The following TTPA variants were observed in gnomAD, a reference collection of about 807,000 sequenced individuals.
TTPA encodes the protein alpha tocopherol transfer protein, also known as alpha-tocopherol transfer protein.
A neutral mutation model predicts 25.9 loss-of-function variants in TTPA; 23 were observed. The ratio of observed to expected loss-of-function variants is 0.89; its 90% confidence interval spans 0.64 to 1.26. The LOEUF is 1.26. Ranked by LOEUF, TTPA falls within the 50% of genes most tolerant of loss-of-function variation. The probability of loss-of-function intolerance (pLI) is 0.00; values close to 1 mark genes in which losing one functional copy is unlikely to be tolerated. For synonymous variants in TTPA, 148 were observed against 137.3 expected (o/e 1.08, Z -0.54); for missense variants, 337 against 353.1 (o/e 0.95, Z 0.37).
chr8:63,081,708 T>C (rs1805666169), intron 1 of TTPA, among the ~76,000 whole-genome samples: 1 of 152,196 alleles, frequency 6.6e-6, no homozygotes, highest in Admixed American at 6.5e-5. Flanking sequence ...ATTGTCCCTG[T>C]TTGCAGAAGA....
At position 63,060,643 on chromosome 8, in the gene TTPA, T is replaced by C. The variant is rs187670490; in HGVS notation, c.*609A>G. The C allele has an allele frequency of 1.4e-4, 21 of 152,560 alleles. No homozygotes were observed. The highest frequency in any genetic ancestry group is 5.2e-4 in the African/African-American group (21 of 40,742). 9.5% of individuals were successfully genotyped at this position (152,560 alleles called of 1,614,324 possible). A position where few individuals can be genotyped will look rare whatever the true frequency, so the allele number is the denominator to read the frequency against. ...GAGCTGAGATCTCACTACTGCACTC[T>C]AGCCTGGGCGACAGAGCAAGACTCT... On this transcript the variant is annotated 3_prime_UTR_variant, in exon 5 of 5. Transcript: ENST00000260116.
At chr8:63,067,673 G>A (rs1805415773) in intron 2 of TTPA, among the ~76,000 whole-genome samples, 1 of 151,954 alleles carries the variant, frequency 6.6e-6, no homozygotes. Flanking sequence ...TTGGTATACT[G>A]CATGATGCTG....
At chr8:63,059,029 T>G (rs1246720003), downstream of TTPA, among the ~76,000 whole-genome samples, 3 of 104,916 alleles carry the variant, frequency 2.9e-5, no homozygotes, top group African/African-American at 7.0e-5. Flanking sequence ...AGTTTTTTTT[T>G]TTTTTTTTTT....
In TTPA at chr8:63,067,415, G is replaced by A. The variant is rs553960130; in HGVS notation, c.359-1318C>T. Reference sequence around the variant, plus strand: ...CAGTAACAGAAAACAGAGGAGAGAGGAATCATAGCAATAGAGAAAAGTTCT... The same window carrying A: ...CAGTAACAGAAAACAGAGGAGAGAGAAATCATAGCAATAGAGAAAAGTTCT... On this transcript the variant is annotated intron_variant, in intron 2 of 4. Coordinates refer to ENST00000260116, the MANE Select transcript of TTPA (RefSeq NM_000370.3). 6.3e-5 allele frequency among the ~76,000 whole-genome samples: 9 copies of A among 142,076 alleles called. No homozygotes were observed. The South Asian group carries it at 2.0e-3, about 32-fold the overall frequency. 93.2% of individuals were successfully genotyped at this position (142,076 alleles called of 152,430 possible). A position where few individuals can be genotyped will look rare whatever the true frequency, so the allele number is the denominator to read the frequency against.
downstream of TTPA, among the ~76,000 whole-genome samples, chr8:63,059,415 AACC>A (rs1805264474): frequency 6.6e-6 from 1 of 152,200 alleles, no homozygotes; most frequent in Non-Finnish European, 1.5e-5. Context: ...TCTAAAGAAC[AACC>A]ACAATTACTT....
At chr8:63,073,903 A>G (rs936131621) in intron 1 of TTPA, among the ~76,000 whole-genome samples, 7 of 152,234 alleles carry the variant, frequency 4.6e-5, no homozygotes, top group Non-Finnish European at 7.3e-5. Context: ...TTTCTTTCCA[A>G]AAGAACCACC....
rs1805746240 is a variant in TTPA, at chr8:63,085,939, A to G, written c.83T>C (p.Leu28Pro). ...CCGGGCCCGGCGCCGCAGCGCCGCCAGGCCCGGCTGCAGCAACGGAGAGTG... is the reference window on the plus strand; with the variant it reads ...CCGGGCCCGGCGCCGCAGCGCCGCCGGGCCCGGCTGCAGCAACGGAGAGTG... ...PDHSPLLQPG[L>P]AALRRRAREA... is the part of the protein sequence containing the mutation. The change falls in exon 1 of 5, where the codon CTG becomes CCG. Residue 28 changes from leucine to proline, a missense_variant. By Grantham distance (98) the Leu-to-Pro change is moderately conservative. Coordinates refer to ENST00000260116, the MANE Select transcript of TTPA (RefSeq NM_000370.3). The G allele has an allele frequency of 2.0e-6, 3 of 1,520,102 alleles. No homozygotes were observed. The highest frequency in any genetic ancestry group is 1.4e-5 in the African/African-American group (1 of 70,208). The allele number at this position is 1,520,102 out of a possible 1,614,324, so 94.2% of individuals were successfully genotyped here. A position where few individuals can be genotyped will look rare whatever the true frequency, so the allele number is the denominator to read the frequency against.
intron 1 of TTPA, among the ~76,000 whole-genome samples, chr8:63,082,877 C>A (rs1318394584): frequency 2.0e-5 from 3 of 152,122 alleles, no homozygotes; most frequent in African/African-American, 7.2e-5. Flanking sequence ...CCAACGGATA[C>A]ATGTAAAAAT....
In TTPA at chr8:63,065,975, C is replaced by G. The variant is rs759856643; in HGVS notation, c.481G>C (p.Glu161Gln). 6.2e-7 allele frequency: 1 copy of G among 1,614,114 alleles called. No individual in the cohort carries two copies. Among genetic ancestry groups the G allele is most frequent in the Non-Finnish European group, 8.5e-7 (1 of 1,179,990 alleles). Reference sequence around the variant, plus strand: ...AAAGCATGAGAAAACTGCCAACCTTCCAGATCAAAGATAGCCTTGATTCCA... The same window carrying G: ...AAAGCATGAGAAAACTGCCAACCTTGCAGATCAAAGATAGCCTTGATTCCA... ...RNGIKAIFDL[E>Q]GWQFSHAFQI... The change falls in exon 3 of 5, where the codon GAA (glutamate) becomes CAA (glutamine). Residue 161 changes from glutamate to glutamine, a missense_variant. By Grantham distance (29) the Glu-to-Gln change is conservative (BLOSUM62 2). Coordinates refer to ENST00000260116, the MANE Select transcript of TTPA (RefSeq NM_000370.3).
chr8:63,069,284 T>C (rs552846281), intron 2 of TTPA, among the ~76,000 whole-genome samples: 4 of 144,066 alleles, frequency 2.8e-5, no homozygotes, highest in African/African-American at 7.8e-5. Flanking sequence ...CTGAATGCTA[T>C]AATGATTAAA....
chr8:63,064,301 T>C lies in TTPA; in HGVS notation c.568A>G (p.Lys190Glu), dbSNP rs1373547288. Residue 190 changes from lysine to glutamate, a missense_variant, in exon 4 of 5, where the codon AAA becomes GAA. Transcript: ENST00000260116. ...TTTATCAAATGGATGCCACGAACTT[T>C]CAATGGAAATGAATCCTTTTGAAAA... Reference protein sequence around the residue: ...AAVLTDSFPLKVRGIHLINEP... With the variant: ...AAVLTDSFPLEVRGIHLINEP... The C allele has an allele frequency of 6.2e-7, 1 of 1,611,406 alleles. No homozygotes were observed.
chr8:63,064,111 G>T, intron 4 of TTPA, 95 bp downstream of exon 4: 1 of 832,894 alleles, frequency 1.2e-6, no homozygotes, highest in Non-Finnish European at 2.0e-6. Flanking sequence ...ATATAGATGG[G>T]CAGGTACGAG....
rs1482816646 is a variant in TTPA, at chr8:63,086,043, C to A, written c.-22G>T. ...CCATGCCCGCCGCCGCTGCTGCGGCCGCAGCTACCCGGGCACCCGGGAAAA... is the reference window on the plus strand; with the variant it reads ...CCATGCCCGCCGCCGCTGCTGCGGCAGCAGCTACCCGGGCACCCGGGAAAA... On this transcript the variant is annotated 5_prime_UTR_variant, in exon 1 of 5. Transcript: ENST00000260116. The A allele has an allele frequency of 7.2e-7, 1 of 1,395,072 alleles. No homozygotes were observed. The highest frequency in any genetic ancestry group is 2.6e-4 in the Middle Eastern group (1 of 3,820). The allele number at this position is 1,395,072 out of a possible 1,614,324, so 86.4% of individuals were successfully genotyped here.
At chr8:63,067,463 G>A (rs1322820499) in intron 2 of TTPA, among the ~76,000 whole-genome samples, 1 of 147,154 alleles carries the variant, frequency 6.8e-6, no homozygotes. Context: ...AAAAAAACAT[G>A]TAAGTCTTCA....
Position 63,075,656 on chromosome 8 carries a change from G to A in TTPA, c.205-2568C>T, listed in dbSNP as rs912735641. Among the ~76,000 whole-genome samples, 11 of 140,080 alleles carry A rather than the reference G, an allele frequency of 7.9e-5. No individual in the cohort carries two copies. In the Middle Eastern group the frequency reaches 0.013, roughly 162 times the overall value. The allele number at this position is 140,080 out of a possible 152,430, so 91.9% of individuals were successfully genotyped here. On this transcript the variant is annotated intron_variant, in intron 1 of 4. Coordinates refer to ENST00000260116, the MANE Select transcript of TTPA (RefSeq NM_000370.3). ...GAAGGTTGCAGTGAGCCGAGATTGC[G>A]CCACTGCACTCCAGCCTGGGCGACA... is the stretch of plus-strand genomic sequence containing the variant.
intron 2 of TTPA, among the ~76,000 whole-genome samples, chr8:63,066,983 G>C (rs1424377137): frequency 7.2e-5 from 11 of 151,912 alleles, no homozygotes; most frequent in Admixed American, 6.6e-4. Flanking sequence ...GCTGAGGTGG[G>C]GGGAGGGGGA....
chr8:63,078,419 C>A (rs1025969504), intron 1 of TTPA, among the ~76,000 whole-genome samples: 1 of 152,124 alleles, frequency 6.6e-6, no homozygotes, highest in African/African-American at 2.4e-5. Context: ...AAACCCAACA[C>A]AAGGAAGCTA....
intron 2 of TTPA, among the ~76,000 whole-genome samples, chr8:63,070,508 C>T (rs544517992): frequency 6.6e-6 from 1 of 152,250 alleles, no homozygotes; most frequent in East Asian, 1.9e-4. Context: ...TGAGTTTCTC[C>T]CTTTCATCCT....
intron 2 of TTPA, among the ~76,000 whole-genome samples, chr8:63,067,661 C>A (rs1660098897): frequency 6.6e-6 from 1 of 151,706 alleles, no homozygotes. Context: ...AGATTTGTTA[C>A]CTTGGTATAC....
Sources: allele counts gnomAD v4.1 joint callset (sites outside exome capture counted in the v4.1 genomes callset), GRCh38; gene constraint gnomAD v4.1.1; transcripts MANE v1.5; gene names NCBI Gene and HGNC (gene_info 2026-07-23, HGNC 2026-07-21).